GAREM1: variants seen among roughly 807,000 people sequenced by gnomAD.
GAREM1 encodes the protein GRB2 associated regulator of MAPK1 subtype 1.
In GAREM1, 26 loss-of-function variants were observed where a neutral mutation model predicts 71.3. The ratio of observed to expected loss-of-function variants is 0.36; its 90% CI spans 0.27 to 0.51. The LOEUF is 0.51. Among genes scored for constraint, GAREM1 ranks in the 20% least tolerant of loss-of-function variants. The pLI, the probability that GAREM1 is intolerant of heterozygous loss-of-function variation, is 0.95. For missense variants in GAREM1, 1,026 were observed against 1,103.1 expected, an observed-to-expected ratio of 0.93 and a Z score of 0.99; for synonymous variants, 440 against 433.2, an observed-to-expected ratio of 1.02 and a Z score of -0.20.
intron 2 of GAREM1, among the ~76,000 whole-genome samples, chr18:32,321,362 C>T (rs1052812307): frequency 4.6e-5 from 7 of 152,154 alleles, no homozygotes; most frequent in Non-Finnish European, 8.8e-5. Flanking sequence ...AAAATATCGA[C>T]CCTTTTAATG....
intron 2 of GAREM1, among the ~76,000 whole-genome samples, chr18:32,375,599 C>T (rs910128587): frequency 6.6e-6 from 1 of 152,134 alleles, no homozygotes; most frequent in African/African-American, 2.4e-5. Flanking sequence ...CACACAGATA[C>T]AGAATTGTCA....
At position 32,318,676 on chromosome 18, in the gene GAREM1, G is replaced by T. The variant is rs1305004053; in HGVS notation, c.263-8353C>A. On this transcript the variant is annotated intron_variant, in intron 2 of 5. Transcript: ENST00000269209. ...AGTGGCAGTCAGCATGACCTGCGGTGGGCCCTCTTTTGCAGCTGTAGTTTT... is the reference window on the plus strand; with the variant it reads ...AGTGGCAGTCAGCATGACCTGCGGTTGGCCCTCTTTTGCAGCTGTAGTTTT... Among the ~76,000 whole-genome samples, 3 of 152,130 alleles carry T rather than the reference G, an allele frequency of 2.0e-5. No individual in the cohort carries two copies. The South Asian group carries it at 6.2e-4, about 32-fold the overall frequency.
rs142300905 is a variant in GAREM1, at chr18:32,455,261, A to G, written c.121+15047T>C. Among the ~76,000 whole-genome samples the G allele has an allele frequency of 5.1e-3, 779 of 152,306 alleles. 4 individuals are homozygous for G. Among genetic ancestry groups the G allele is most frequent in the Middle Eastern group, 0.01 (3 of 294 alleles). On this transcript the variant is annotated intron_variant, in intron 1 of 5. Transcript: ENST00000269209. ...GTCTTTGCATGTGAGATTAAGAGGA[A>G]TCAGGAATATAAGTCCATGAAAAAC...
Position 32,287,043 on chromosome 18 carries a change from G to C in GAREM1, c.1554C>G (p.Pro518=). 6.2e-7 allele frequency: 1 copy of C among 1,611,516 alleles called. No individual in the cohort carries two copies. Among genetic ancestry groups the C allele is most frequent in the Non-Finnish European group, 8.5e-7 (1 of 1,177,908 alleles). Residue 518 remains proline, a synonymous_variant, in exon 4 of 6, where the codon CCC becomes CCG. Coordinates refer to ENST00000269209, the MANE Select transcript of GAREM1 (RefSeq NM_001242409.2). This position sits in a 1 kb window ranked among gnomAD's most constrained non-coding sequence, Gnocchi z 5.9. ...DTALPPPPVP[P]KSEAVREECR... Reference sequence around the variant, plus strand: ...AGAAATGACTTACGGCTTCAGATTTGGGAGGCACTGGAGGTGGAGGTAGGG... The same window carrying C: ...AGAAATGACTTACGGCTTCAGATTTCGGAGGCACTGGAGGTGGAGGTAGGG...
At chr18:32,364,028 G>GTTGTTTTTTTTTTTTTT (rs2047903365) in intron 2 of GAREM1, among the ~76,000 whole-genome samples, 1 of 21,674 alleles carries the variant, frequency 4.6e-5, no homozygotes, top group African/African-American at 1.8e-4. Context: ...ATATATATAT[G>GTTGTTTTTTTTTTTTTT]TTTTTTTTTT....
At chr18:32,381,061 G>A (rs1379588287) in intron 2 of GAREM1, among the ~76,000 whole-genome samples, 3 of 150,900 alleles carry the variant, frequency 2.0e-5, no homozygotes, top group East Asian at 1.9e-4. Context: ...CCAAATATAC[G>A]TAAAACTATC....
intron 1 of GAREM1, among the ~76,000 whole-genome samples, chr18:32,439,094 A>G (rs2048709995): frequency 6.6e-6 from 1 of 152,146 alleles, no homozygotes; most frequent in South Asian, 2.1e-4. Context: ...TATTGAGTCA[A>G]TACTATTATT....
intron 2 of GAREM1, among the ~76,000 whole-genome samples, chr18:32,373,136 T>G (rs76531138): frequency 1.3e-5 from 2 of 152,246 alleles, no homozygotes; most frequent in East Asian, 3.9e-4. Flanking sequence ...AAATATCTAA[T>G]TTTTTATTTT....
intron 1 of GAREM1, among the ~76,000 whole-genome samples, chr18:32,453,349 C>T (rs867856902): frequency 6.6e-6 from 1 of 152,086 alleles, no homozygotes; most frequent in Non-Finnish European, 1.5e-5. Context: ...CCAAACCATA[C>T]CACTGCTATA....
chr18:32,380,604 T>C (rs1279931073), intron 2 of GAREM1, among the ~76,000 whole-genome samples: 1 of 151,522 alleles, frequency 6.6e-6, no homozygotes, highest in Non-Finnish European at 1.5e-5. Context: ...TTAACAATTA[T>C]AAAATATCTG....
intron 1 of GAREM1, among the ~76,000 whole-genome samples, chr18:32,460,888 T>C (rs1394637863): frequency 6.6e-6 from 1 of 152,096 alleles, no homozygotes; most frequent in Non-Finnish European, 1.5e-5. Context: ...AAACACATAA[T>C]ATGTAAAGGA....
chr18:32,349,503 A>C lies in GAREM1; in HGVS notation c.263-39180T>G, dbSNP rs536094970. Among the ~76,000 whole-genome samples, 199 of 152,350 alleles carry C rather than the reference A, an allele frequency of 1.3e-3. 1 individual carries two copies. Among genetic ancestry groups the C allele is most frequent in the African/African-American group, 4.6e-3 (191 of 41,582 alleles). On this transcript the variant is annotated intron_variant, in intron 2 of 5. Coordinates refer to ENST00000269209, the MANE Select transcript of GAREM1 (RefSeq NM_001242409.2). ...AATACAAGGTATCAGAATTCATCTG[A>C]TAAGTTCCATCTCCTACACAGAGGT...
intron 1 of GAREM1, among the ~76,000 whole-genome samples, chr18:32,456,960 GAC>G (rs2048895952): frequency 6.6e-6 from 1 of 152,030 alleles, no homozygotes; most frequent in South Asian, 2.1e-4. Context: ...ATGGAACAAT[GAC>G]AGAATTCTGC....
chr18:32,455,451 T>C (rs2048878407), intron 1 of GAREM1, among the ~76,000 whole-genome samples: 1 of 152,170 alleles, frequency 6.6e-6, no homozygotes. Context: ...TTCAACTAAG[T>C]AATCAAGCTG....
At chr18:32,379,711 A>T (rs1229156042) in intron 2 of GAREM1, among the ~76,000 whole-genome samples, 1 of 151,984 alleles carries the variant, frequency 6.6e-6, no homozygotes, top group Admixed American at 6.6e-5. Flanking sequence ...TCTTTAAAAA[A>T]AAAAAAAATC....
intron 2 of GAREM1, among the ~76,000 whole-genome samples, chr18:32,358,882 C>T (rs143345341): frequency 6.6e-6 from 1 of 152,118 alleles, no homozygotes; most frequent in South Asian, 2.1e-4. Context: ...AAAACGAAAA[C>T]GTGGGTTCTC....
chr18:32,355,659 G>C (rs1368608214), intron 2 of GAREM1, among the ~76,000 whole-genome samples: 1 of 151,990 alleles, frequency 6.6e-6, no homozygotes, highest in Non-Finnish European at 1.5e-5. Context: ...GGGGGAACTT[G>C]GACTTTTTTC....
At chr18:32,410,536 C>G (rs1223925324) in intron 1 of GAREM1, among the ~76,000 whole-genome samples, 1 of 151,990 alleles carries the variant, frequency 6.6e-6, no homozygotes, top group Non-Finnish European at 1.5e-5. Context: ...TTTGTAGAGA[C>G]AGGATCTCTC....
At chr18:32,270,050 A>C (rs2041434442) in intron 5 of GAREM1, among the ~76,000 whole-genome samples, 167 bp downstream of exon 5, 1 of 152,148 alleles carries the variant, frequency 6.6e-6, no homozygotes, top group Admixed American at 6.5e-5. Context: ...GCTCGAAACA[A>C]ACAGGGGCCC....
Sources: gnomAD v4.1 joint callset for allele counts (sites outside exome capture counted in the v4.1 genomes callset) on GRCh38, gnomAD v4.1.1 for gene constraint, Gnocchi (gnomAD v3.1) non-coding constraint, MANE v1.5 for transcripts, NCBI Gene and HGNC (gene_info 2026-07-23, HGNC 2026-07-21) for gene names.